The following CNTNAP5 variants were observed in gnomAD, a reference collection of about 807,000 sequenced individuals.
The protein encoded by CNTNAP5 is contactin associated protein family member 5.
In CNTNAP5, 72 loss-of-function variants were observed where a neutral mutation model predicts 150.2. The observed-to-expected ratio is 0.48, with a 90% CI of 0.40 to 0.58. The LOEUF is 0.58. CNTNAP5 is among the 20% of genes least tolerant of loss of function. The pLI is 0.00. For synonymous variants in CNTNAP5, 672 were observed against 619.8 expected, an observed-to-expected ratio of 1.08 and a Z score of -1.25; for missense variants, 1,636 against 1,626.2, an observed-to-expected ratio of 1.01 and a Z score of -0.10.
At chr2:124,329,403 G>A (rs944443148) in intron 3 of CNTNAP5, among the ~76,000 whole-genome samples, 3 of 152,102 alleles carry the variant, frequency 2.0e-5, no homozygotes, top group African/African-American at 7.2e-5. Context: ...AACTTCCAGA[G>A]ATAGCCCCTC....
At chr2:124,827,235 T>C (rs1417960698) in intron 19 of CNTNAP5, among the ~76,000 whole-genome samples, 1 of 152,156 alleles carries the variant, frequency 6.6e-6, no homozygotes, top group Non-Finnish European at 1.5e-5. Flanking sequence ...ACAAAGATTC[T>C]TCCCGCTAGA....
At chr2:124,410,115 A>T (rs1218821574) in intron 3 of CNTNAP5, among the ~76,000 whole-genome samples, 1 of 152,190 alleles carries the variant, frequency 6.6e-6, no homozygotes, top group Non-Finnish European at 1.5e-5. Context: ...ACCAACAAAG[A>T]TCAAAAGAGA....
intron 19 of CNTNAP5, among the ~76,000 whole-genome samples, chr2:124,842,219 C>A (rs1370479515): frequency 1.3e-5 from 2 of 152,010 alleles, no homozygotes; most frequent in Non-Finnish European, 2.9e-5. Flanking sequence ...CTAATTGGGT[C>A]TCAGAAGAAA....
intron 3 of CNTNAP5, among the ~76,000 whole-genome samples, chr2:124,320,003 A>G (rs561022378): frequency 6.6e-6 from 1 of 152,226 alleles, no homozygotes; most frequent in Non-Finnish European, 1.5e-5. Context: ...TATGATACCA[A>G]CTGATTCTGT....
chr2:124,806,273 G>A (rs1302955568), intron 19 of CNTNAP5, among the ~76,000 whole-genome samples: 1 of 152,054 alleles, frequency 6.6e-6, no homozygotes, highest in African/African-American at 2.4e-5. Flanking sequence ...ACAGTGAGAG[G>A]GGAAATGCCC....
intron 13 of CNTNAP5, 37 bp downstream of exon 13, chr2:124,647,995 T>A: frequency 6.5e-7 from 1 of 1,547,908 alleles, no homozygotes; most frequent in Non-Finnish European, 8.8e-7. Context: ...GTGGGATAGA[T>A]GGGACCCTCA....
intron 1 of CNTNAP5, among the ~76,000 whole-genome samples, chr2:124,147,174 AT>A (rs1282892905): frequency 6.6e-6 from 1 of 152,194 alleles, no homozygotes. Context: ...GGAGTGTAGC[AT>A]TTGAATAAAG....
intron 19 of CNTNAP5, among the ~76,000 whole-genome samples, chr2:124,837,535 C>G (rs1397710429): frequency 6.6e-6 from 1 of 152,062 alleles, no homozygotes; most frequent in Non-Finnish European, 1.5e-5. Flanking sequence ...ATTTGTTTCA[C>G]AGTTTACTCT....
rs149125958 is a variant in CNTNAP5, at chr2:124,733,485, T to A, written c.2078-13744T>A. ...ATGTCAAAATGTGGAAGGGTGGAAG[T>A]CAACTATTCCTGCAGGAAAGAATTA... On this transcript the variant is annotated intron_variant, in intron 13 of 23. Transcript: ENST00000682447. Among the ~76,000 whole-genome samples, 189 of 152,142 alleles carry A rather than the reference T, an allele frequency of 1.2e-3. 1 individual carries two copies. Among genetic ancestry groups the A allele is most frequent in the African/African-American group, 4.2e-3 (173 of 41,532 alleles).
chr2:124,252,356 C>T (rs1687204423), intron 3 of CNTNAP5, among the ~76,000 whole-genome samples: 1 of 152,126 alleles, frequency 6.6e-6, no homozygotes. Flanking sequence ...CTTGCTGCTC[C>T]TGCATCCCTC....
chr2:124,355,472 C>T (rs927205041), intron 3 of CNTNAP5, among the ~76,000 whole-genome samples: 1 of 152,088 alleles, frequency 6.6e-6, no homozygotes, highest in Non-Finnish European at 1.5e-5. Flanking sequence ...CAAACAGCCT[C>T]CCAAGCAGCA....
chr2:124,706,902 A>AGGAGAAGAGGAAGAGGAAGAAGAG (rs1679669076), intron 13 of CNTNAP5, among the ~76,000 whole-genome samples: 1 of 11,036 alleles, frequency 9.1e-5, no homozygotes, highest in South Asian at 3.4e-3. Context: ...AGGAAGAAGA[A>AGGAGAAGAGGAAGAGGAAGAAGAG]GGAGGAGGAG....
chr2:124,536,596 C>T (rs1419831109), intron 10 of CNTNAP5, among the ~76,000 whole-genome samples: 1 of 152,010 alleles, frequency 6.6e-6, no homozygotes, highest in Non-Finnish European at 1.5e-5. Context: ...TTGGAAAAGC[C>T]GGGATTCGAA....
chr2:124,823,630 G>A (rs764665142), intron 19 of CNTNAP5, among the ~76,000 whole-genome samples: 1 of 152,160 alleles, frequency 6.6e-6, no homozygotes, highest in African/African-American at 2.4e-5. Context: ...TCACACTAAA[G>A]AGTTGTACAG....
intron 13 of CNTNAP5, among the ~76,000 whole-genome samples, chr2:124,730,354 T>C (rs1344278057): frequency 6.6e-6 from 1 of 151,858 alleles, no homozygotes; most frequent in Non-Finnish European, 1.5e-5. Flanking sequence ...CAGATATATA[T>C]ATATATATAT....
intron 8 of CNTNAP5, among the ~76,000 whole-genome samples, chr2:124,508,546 G>T (rs373663750): frequency 3.9e-5 from 6 of 152,134 alleles, no homozygotes; most frequent in African/African-American, 1.2e-4. Flanking sequence ...ATTGTTAAGC[G>T]CACGTCAGTC....
chr2:124,920,403 C>A lies in CNTNAP5; in HGVS notation c.*6115C>A, dbSNP rs1678850080. 6.6e-6 allele frequency among the ~76,000 whole-genome samples: 1 copy of A among 152,118 alleles called. No individual in the cohort carries two copies. The highest frequency in any genetic ancestry group is 6.6e-5 in the Admixed American group (1 of 15,260). ...TTCCCATCAGAGTCAGCCTCTATCA[C>A]AAACATTTTACATGAAATATTCACC... On this transcript the variant is annotated 3_prime_UTR_variant, in exon 24 of 24. Coordinates refer to ENST00000682447, the MANE Select transcript of CNTNAP5 (RefSeq NM_001367498.1).
At chr2:124,065,326 T>G (rs780393612) in intron 1 of CNTNAP5, among the ~76,000 whole-genome samples, 1 of 152,154 alleles carries the variant, frequency 6.6e-6, no homozygotes, top group Non-Finnish European at 1.5e-5. Context: ...TATATACACA[T>G]AACACTGGTA....
chr2:124,816,537 G>A (rs1413988632), intron 19 of CNTNAP5, among the ~76,000 whole-genome samples: 1 of 146,146 alleles, frequency 6.8e-6, no homozygotes, highest in Non-Finnish European at 1.5e-5. Context: ...GAGTGCAATG[G>A]CACAACCTCA....
Sources: gnomAD v4.1 joint callset for allele counts (sites outside exome capture counted in the v4.1 genomes callset) on GRCh38, gnomAD v4.1.1 for gene constraint, MANE v1.5 for transcripts, NCBI Gene and HGNC (gene_info 2026-07-23, HGNC 2026-07-21) for gene names.